Variants in FSTL4 observed in about 807,000 individuals in gnomAD.
FSTL4 encodes the protein follistatin-related protein 4.
Under a neutral mutation model 78.2 loss-of-function variants are expected in FSTL4, and 28 were observed. The observed-to-expected ratio is 0.36, with a 90% CI of 0.27 to 0.49. The LOEUF (loss-of-function observed/expected upper bound fraction) is 0.49. Among genes scored for constraint, FSTL4 ranks in the 20% least tolerant of loss-of-function variants. The pLI, the probability that FSTL4 is intolerant of heterozygous loss-of-function variation, is 0.98. For missense variants in FSTL4, 922 were observed against 1,084.9 expected (o/e 0.85, Z 2.11); for synonymous variants, 422 against 440.5 (o/e 0.96, Z 0.53).
the FSTL4 span, among the ~76,000 whole-genome samples, chr5:133,633,534 T>C: frequency 1.1e-4 from 16 of 152,356 alleles, no homozygotes; most frequent in African/African-American, 3.8e-4. Context: ...AGTGTGTTTC[T>C]AATTGCTTAC....
chr5:133,632,835 C>T, the FSTL4 span, among the ~76,000 whole-genome samples: 74,517 of 151,900 alleles, frequency 0.49, 18,900 homozygotes, highest in African/African-American at 0.63. Context: ...TGGAGGTACA[C>T]GTCACCACAC....
intron 4 of FSTL4, among the ~76,000 whole-genome samples, chr5:133,391,733 G>A (rs1755855098): frequency 6.6e-6 from 1 of 152,112 alleles, no homozygotes; most frequent in Admixed American, 6.6e-5. Flanking sequence ...TATTGCCACT[G>A]CCTGGGATAC....
intron 3 of FSTL4, among the ~76,000 whole-genome samples, chr5:133,524,187 A>G (rs1358551183): frequency 6.6e-6 from 1 of 152,212 alleles, no homozygotes; most frequent in Non-Finnish European, 1.5e-5. Context: ...GAGCATGGGA[A>G]GCTGGAGAGA....
At chr5:133,238,289 C>G (rs1181119474) in intron 7 of FSTL4, among the ~76,000 whole-genome samples, 1 of 152,158 alleles carries the variant, frequency 6.6e-6, no homozygotes, top group East Asian at 1.9e-4. Flanking sequence ...CCGACATTGC[C>G]CTCCTCAGGA....
chr5:133,319,347 T>C (rs1047506557), intron 4 of FSTL4, among the ~76,000 whole-genome samples: 1 of 152,240 alleles, frequency 6.6e-6, no homozygotes, highest in South Asian at 2.1e-4. Context: ...CCCATCCTTT[T>C]ACCAGTATTT....
intron 3 of FSTL4, among the ~76,000 whole-genome samples, chr5:133,421,649 T>C (rs575377626): frequency 1.3e-3 from 193 of 152,326 alleles, no homozygotes; most frequent in African/African-American, 4.6e-3. Context: ...TCTTCAGAAA[T>C]GATCTCTAAG....
chr5:133,505,081 C>T (rs926514996), intron 3 of FSTL4, among the ~76,000 whole-genome samples: 2 of 152,010 alleles, frequency 1.3e-5, no homozygotes, highest in African/African-American at 4.8e-5. Flanking sequence ...ATAGATTGTA[C>T]AGGAAGATTT....
chr5:133,562,762 C>A (rs920603636), intron 3 of FSTL4, among the ~76,000 whole-genome samples: 1 of 152,216 alleles, frequency 6.6e-6, no homozygotes, highest in Non-Finnish European at 1.5e-5. Flanking sequence ...GCTTACAGAT[C>A]GTCCTATGCT....
rs140197600 is a variant in FSTL4 at position 133,426,964 on chromosome 5, C to A, written c.161-25978G>T. Among the ~76,000 whole-genome samples, 77 of 152,296 alleles carry A rather than the reference C, an allele frequency of 5.1e-4. No individual in the cohort carries two copies. Among genetic ancestry groups the A allele is most frequent in the African/African-American group, 1.7e-3 (70 of 41,560 alleles). On this transcript the variant is annotated intron_variant, in intron 3 of 15. Coordinates refer to ENST00000265342, the MANE Select transcript of FSTL4 (RefSeq NM_015082.2). The surrounding 1 kb of genome is among the most constrained non-coding windows in gnomAD (Gnocchi z 5.0). ...AGTGTTCCGTCTCTCAAATGCCCAA[C>A]GGCCCAGAGGAATTTTGGTTTATCA... is the stretch of plus-strand genomic sequence containing the variant.
At chr5:133,322,381 C>G (rs1182154280) in intron 4 of FSTL4, among the ~76,000 whole-genome samples, 1 of 152,018 alleles carries the variant, frequency 6.6e-6, no homozygotes, top group African/African-American at 2.4e-5. Flanking sequence ...CTATGAAATC[C>G]TTTCTGAGTG....
the FSTL4 span, among the ~76,000 whole-genome samples, chr5:133,752,767 AG>A: frequency 6.6e-6 from 1 of 152,148 alleles, no homozygotes; most frequent in Non-Finnish European, 1.5e-5. Flanking sequence ...CATAGGGGGC[AG>A]GGGGGTCAAG....
intron 7 of FSTL4, among the ~76,000 whole-genome samples, chr5:133,245,332 A>T (rs1168785736): frequency 6.6e-6 from 1 of 152,102 alleles, no homozygotes; most frequent in African/African-American, 2.4e-5. Context: ...TCCCTCTTGG[A>T]TGCATGTTTA....
At chr5:133,741,646 CAGAGGCCTCTCTGCCCA>C in the FSTL4 span, among the ~76,000 whole-genome samples, 1 of 152,226 alleles carries the variant, frequency 6.6e-6, no homozygotes, top group Admixed American at 6.5e-5. Context: ...TAAGAGAACA[CAGAGGCCTCTCTGCCCA>C]AGTGGGAAAC....
rs768278516 is a variant in FSTL4, at chr5:133,199,261, C to G, written c.2363G>C (p.Trp788Ser). The G allele has an allele frequency of 1.2e-6, 2 of 1,613,898 alleles. No individual in the cohort carries two copies. Among genetic ancestry groups the G allele is most frequent in the South Asian group, 1.1e-5 (1 of 91,072 alleles). The change falls in exon 16 of 16, where the codon TGG (tryptophan) becomes TCG (serine). Residue 788 changes from tryptophan (W) to serine (S), a missense_variant. Transcript: ENST00000265342. The surrounding 1 kb of genome is among the most constrained non-coding windows in gnomAD (Gnocchi z 4.4). ...KEPPAGPAQP[W>S]GGTHRIMRDS... ...CCTCATGATTCTGTGGGTACCCCCC[C>G]AGGGCTGAGCTGGCCCTGCGGGTGG...
intron 3 of FSTL4, among the ~76,000 whole-genome samples, chr5:133,551,349 AAAT>A (rs1298225437): frequency 6.6e-6 from 1 of 152,226 alleles, no homozygotes; most frequent in Non-Finnish European, 1.5e-5. Flanking sequence ...GAAATAATAA[AAAT>A]AATAAAGCAG....
intron 4 of FSTL4, among the ~76,000 whole-genome samples, chr5:133,316,963 T>C (rs887343121): frequency 1.3e-5 from 2 of 152,210 alleles, no homozygotes; most frequent in Non-Finnish European, 1.5e-5. Context: ...TGGGAAATTC[T>C]TCCAGCGGAA....
chr5:133,301,549 C>T (rs539885307), intron 6 of FSTL4, among the ~76,000 whole-genome samples: 1 of 152,278 alleles, frequency 6.6e-6, no homozygotes, highest in Admixed American at 6.5e-5. Context: ...AAGTGCCGCT[C>T]CATACACTGC....
chr5:133,729,068 C>A, the FSTL4 span, among the ~76,000 whole-genome samples: 1 of 152,026 alleles, frequency 6.6e-6, no homozygotes, highest in Non-Finnish European at 1.5e-5. Flanking sequence ...CCCAGTTCAG[C>A]CACATGCTGA....
the FSTL4 span, among the ~76,000 whole-genome samples, chr5:133,678,859 G>A: frequency 1.3e-5 from 2 of 152,150 alleles, no homozygotes; most frequent in Admixed American, 1.3e-4. Context: ...GGGAAGAAGA[G>A]CAGGAGCCAG....
Sources: allele counts gnomAD v4.1 joint callset (sites outside exome capture counted in the v4.1 genomes callset), GRCh38; gene constraint gnomAD v4.1.1; non-coding constraint Gnocchi (gnomAD v3.1); transcripts MANE v1.5; gene names NCBI Gene and HGNC (gene_info 2026-07-23, HGNC 2026-07-21).